The following PCDH9 variants were observed in gnomAD, a reference collection of about 807,000 sequenced individuals.
The protein encoded by PCDH9 is protocadherin 9.
A neutral mutation model predicts 70.6 loss-of-function variants in PCDH9; 24 were observed. The ratio of observed to expected loss-of-function variants is 0.34; its 90% CI spans 0.25 to 0.48. The LOEUF (loss-of-function observed/expected upper bound fraction) is 0.48. Among genes scored for constraint, PCDH9 ranks in the 20% least tolerant of loss-of-function variants. The pLI, the probability that PCDH9 is intolerant of heterozygous loss-of-function variation, is 0.99. For synonymous variants in PCDH9, 562 were observed against 558.5 expected (o/e 1.01, Z -0.09); for missense variants, 1,281 against 1,503.6 (o/e 0.85, Z 2.45).
chr13:66,944,286 T>C (rs529975575), intron 2 of PCDH9, among the ~76,000 whole-genome samples: 16 of 152,162 alleles, frequency 1.1e-4, no homozygotes, highest in Non-Finnish European at 2.4e-4. Flanking sequence ...ACTTTAAACA[T>C]GAAAAATTCA....
intron 2 of PCDH9, among the ~76,000 whole-genome samples, chr13:67,071,576 T>G (rs2085763340): frequency 6.6e-6 from 1 of 152,046 alleles, no homozygotes; most frequent in African/African-American, 2.4e-5. Context: ...AATAAAAAAT[T>G]CGGAGAAATT....
At chr13:67,020,014 A>G (rs1454482455) in intron 2 of PCDH9, among the ~76,000 whole-genome samples, 2 of 152,208 alleles carry the variant, frequency 1.3e-5, no homozygotes, top group Non-Finnish European at 2.9e-5. Flanking sequence ...TGTTTGATGG[A>G]CTTAATAAAT....
chr13:67,222,628 A>G (rs567648640), intron 2 of PCDH9: 2 of 152,282 alleles, frequency 1.3e-5, no homozygotes, highest in Admixed American at 6.5e-5. Flanking sequence ...ATATCAATTA[A>G]TAGCATAAAA....
At chr13:67,113,864 C>G (rs561450097) in intron 2 of PCDH9, among the ~76,000 whole-genome samples, 3 of 152,146 alleles carry the variant, frequency 2.0e-5, no homozygotes, top group Non-Finnish European at 2.9e-5. Flanking sequence ...TTGGATCACA[C>G]TGAGAAATGC....
intron 3 of PCDH9, among the ~76,000 whole-genome samples, chr13:66,811,405 A>T (rs1457104072): frequency 6.6e-6 from 1 of 152,232 alleles, no homozygotes; most frequent in Non-Finnish European, 1.5e-5. Flanking sequence ...TTTTGTAATC[A>T]TGAAGGGAAT....
intron 4 of PCDH9, among the ~76,000 whole-genome samples, chr13:66,483,792 T>C (rs963794600): frequency 1.3e-5 from 2 of 152,026 alleles, no homozygotes; most frequent in Non-Finnish European, 2.9e-5. Context: ...CCTGCTCAAA[T>C]GTTGCATTTC....
At chr13:66,457,181 T>A (rs1958333790) in intron 4 of PCDH9, among the ~76,000 whole-genome samples, 1 of 152,030 alleles carries the variant, frequency 6.6e-6, no homozygotes, top group Admixed American at 6.6e-5. Flanking sequence ...TTATTTTATG[T>A]CTTCTTAAAC....
chr13:66,892,941 A>G (rs1040360452), intron 3 of PCDH9, among the ~76,000 whole-genome samples: 1 of 152,108 alleles, frequency 6.6e-6, no homozygotes, highest in African/African-American at 2.4e-5. Flanking sequence ...TGGAGGATTA[A>G]CTGTACTTAA....
intron 3 of PCDH9, among the ~76,000 whole-genome samples, chr13:66,762,312 T>C (rs1390792827): frequency 6.6e-6 from 1 of 152,070 alleles, no homozygotes; most frequent in East Asian, 1.9e-4. Flanking sequence ...GCAGGGACTA[T>C]GCATTCCCTC....
At chr13:66,979,565 TACA>T (rs1324554941) in intron 2 of PCDH9, among the ~76,000 whole-genome samples, 4 of 152,140 alleles carry the variant, frequency 2.6e-5, no homozygotes, top group South Asian at 4.1e-4. Flanking sequence ...AATAGAATAT[TACA>T]ACAACATACA....
chr13:66,760,684 C>T (rs934483084), intron 3 of PCDH9, among the ~76,000 whole-genome samples: 1 of 152,092 alleles, frequency 6.6e-6, no homozygotes, highest in African/African-American at 2.4e-5. Context: ...AACCATAAAG[C>T]CTGACTGCCT....
At chr13:66,891,587 A>G (rs890194751) in intron 3 of PCDH9, among the ~76,000 whole-genome samples, 34 of 152,146 alleles carry the variant, frequency 2.2e-4, no homozygotes, top group African/African-American at 8.0e-4. Context: ...TTAGCCAGAA[A>G]GAGCATTTAA....
At chr13:66,478,233 G>C (rs1230687897) in intron 4 of PCDH9, among the ~76,000 whole-genome samples, 2 of 152,092 alleles carry the variant, frequency 1.3e-5, no homozygotes, top group Admixed American at 6.6e-5. Context: ...ATGTTGTGTG[G>C]GTTCTGACTG....
chr13:66,587,335 T>C (rs983367425), intron 4 of PCDH9, among the ~76,000 whole-genome samples: 3 of 151,394 alleles, frequency 2.0e-5, no homozygotes, highest in Non-Finnish European at 4.4e-5. Flanking sequence ...AAGACTATGG[T>C]ATAAATCAAG....
Position 66,867,685 on chromosome 13 carries a change from T to G in PCDH9, c.3138+35819A>C, listed in dbSNP as rs1237191854. On this transcript the variant is annotated intron_variant, in intron 3 of 4. Transcript: ENST00000377865. ...TAACCTATCATCTTTCTTTGACAAC[T>G]TGGGTTTTGCTATTACCAAAAAGTA... is the stretch of plus-strand genomic sequence containing the variant. Among the ~76,000 whole-genome samples, 3 of 152,090 alleles carry G rather than the reference T, an allele frequency of 2.0e-5. No homozygotes were observed. The East Asian group carries it at 5.8e-4, about 29-fold the overall frequency.
rs1161820492 is a variant in PCDH9, at chr13:66,512,440, G to A, written c.3340+118770C>T. Among the ~76,000 whole-genome samples the A allele has an allele frequency of 4.6e-5, 7 of 152,132 alleles. No individual in the cohort carries two copies. The South Asian group carries it at 1.2e-3, about 27-fold the overall frequency. ...AATGTTCCCTTTGAGAAATTAGAAT[G>A]CAGAAACTATAATAAGGATAGGTTC... is the stretch of plus-strand genomic sequence containing the variant. On this transcript the variant is annotated intron_variant, in intron 4 of 4. Coordinates refer to ENST00000377865, the MANE Select transcript of PCDH9 (RefSeq NM_203487.3).
At chr13:66,637,044 T>C (rs2077647373) in intron 3 of PCDH9, among the ~76,000 whole-genome samples, 1 of 152,116 alleles carries the variant, frequency 6.6e-6, no homozygotes, top group Admixed American at 6.6e-5. Flanking sequence ...TTTTGAACTT[T>C]CTTATTTTTA....
chr13:66,752,667 C>A (rs898859946), intron 3 of PCDH9, among the ~76,000 whole-genome samples: 2 of 152,132 alleles, frequency 1.3e-5, no homozygotes, highest in African/African-American at 4.8e-5. Context: ...CTTTCTTTGC[C>A]TCATACAGAA....
chr13:67,060,963 G>A (rs2085528145), intron 2 of PCDH9, among the ~76,000 whole-genome samples: 1 of 151,954 alleles, frequency 6.6e-6, no homozygotes, highest in Non-Finnish European at 1.5e-5. Flanking sequence ...ATTCTGGTTT[G>A]TCCTATTTTT....
Sources: gnomAD v4.1 joint callset for allele counts (sites outside exome capture counted in the v4.1 genomes callset) on GRCh38, gnomAD v4.1.1 for gene constraint, MANE v1.5 for transcripts, NCBI Gene and HGNC (gene_info 2026-07-23, HGNC 2026-07-21) for gene names.